The following RUNX3 variants were observed in gnomAD, a reference collection of about 807,000 sequenced individuals.
RUNX3 encodes RUNX family transcription factor 3.
Under a neutral mutation model 27.7 loss-of-function variants are expected in RUNX3, and 10 were observed. The ratio of observed to expected loss-of-function variants is 0.36; its 90% CI spans 0.22 to 0.61. RUNX3 has a LOEUF of 0.61. Among genes scored for constraint, RUNX3 ranks in the 20% least tolerant of loss-of-function variants. The probability of loss-of-function intolerance (pLI) is 0.72; values close to 1 mark genes in which losing one functional copy is unlikely to be tolerated. For missense variants in RUNX3, 469 were observed against 629.5 expected (o/e 0.75, Z 2.73); for synonymous variants, 270 against 269.2 (o/e 1.00, Z -0.03).
rs1404525327 is a variant in RUNX3 at position 24,927,803 on chromosome 1, G to A, written c.283-73C>T. 4.3e-6 allele frequency: 6 copies of A among 1,385,358 alleles called. No homozygotes were observed. The African/African-American group carries it at 7.1e-5, about 16-fold the overall frequency. 85.8% of individuals were successfully genotyped at this position (1,385,358 alleles called of 1,614,324 possible). The stretch of plus-strand genomic sequence containing the variant: ...GAGGGTGACCAGGGAAAGGAGGGGA[G>A]GGGCTGGGCTGGGCAGCTCCCCCAG... On this transcript the variant is annotated intron_variant, in intron 1 of 4. Coordinates refer to ENST00000308873, the MANE Select transcript of RUNX3 (RefSeq NM_004350.3). The surrounding 1 kb of genome is among the most constrained non-coding windows in gnomAD (Gnocchi z 5.0).
chr1:24,915,860 C>T (rs538563903), intron 3 of RUNX3, among the ~76,000 whole-genome samples: 42 of 152,264 alleles, frequency 2.8e-4, no homozygotes, highest in African/African-American at 9.4e-4. Context: ...CAGGTGTCAC[C>T]GCCCCTCCTG....
At chr1:24,910,579 T>A (rs1053021149) in intron 3 of RUNX3, among the ~76,000 whole-genome samples, 2 of 152,144 alleles carry the variant, frequency 1.3e-5, no homozygotes, top group African/African-American at 4.8e-5. Context: ...ACGCAATGGA[T>A]TCTGGTACTT....
rs60170559 is a variant in RUNX3, at chr1:24,941,028, T to C, written c.59-11176A>G. On this transcript the variant is annotated intron_variant, in intron 2 of 6. Transcript: ENST00000338888. ...CCCCTGCCCCAAACCTCTGAAAAAA[T>C]GGACAATATGCTCAAATGTGCATAA... Among the ~76,000 whole-genome samples the C allele has an allele frequency of 2.6e-3, 402 of 152,272 alleles. 14 individuals are homozygous for C. The East Asian group carries it at 0.064, about 24-fold the overall frequency.
chr1:24,944,618 A>G (rs1641559387), intron 2 of RUNX3, among the ~76,000 whole-genome samples: 1 of 152,166 alleles, frequency 6.6e-6, no homozygotes, highest in South Asian at 2.1e-4. Flanking sequence ...TCACACATGG[A>G]ATAGGGAGGC....
upstream of RUNX3, among the ~76,000 whole-genome samples, chr1:24,931,351 C>A (rs1641223809): frequency 6.6e-6 from 1 of 152,232 alleles, no homozygotes; most frequent in Non-Finnish European, 1.5e-5. Context: ...GCTCCCACTC[C>A]CAGCCGCGTG....
At chr1:24,912,889 G>A (rs942208311) in intron 3 of RUNX3, among the ~76,000 whole-genome samples, 4 of 152,106 alleles carry the variant, frequency 2.6e-5, no homozygotes, top group South Asian at 2.1e-4. Flanking sequence ...TTAGGGCCCC[G>A]TCCAGCCCCA....
intron 2 of RUNX3, chr1:24,964,384 G>A: frequency 1.3e-6 from 1 of 743,248 alleles, no homozygotes; most frequent in Non-Finnish European, 2.4e-6. Context: ...CCCACCTCAG[G>A]CTTTCAGAGG....
At chr1:24,952,617 G>A (rs1641794513) in intron 2 of RUNX3, among the ~76,000 whole-genome samples, 2 of 152,220 alleles carry the variant, frequency 1.3e-5, no homozygotes, top group Non-Finnish European at 2.9e-5. Context: ...CTCTCGCAGG[G>A]ATGAGTGGCT....
intron 2 of RUNX3, among the ~76,000 whole-genome samples, chr1:24,955,938 C>T (rs548531869): frequency 2.6e-4 from 40 of 152,348 alleles, no homozygotes; most frequent in Middle Eastern, 3.4e-3. Context: ...GCAACCAATT[C>T]GCCCACCTCA....
chr1:24,906,157 C>T (rs1176643493), intron 4 of RUNX3, among the ~76,000 whole-genome samples: 2 of 152,170 alleles, frequency 1.3e-5, no homozygotes, highest in East Asian at 1.9e-4. Flanking sequence ...AGCGTGGCAC[C>T]GGAAAAGGGG....
At position 24,902,554 on chromosome 1, in the gene RUNX3, C is replaced by T. The variant is rs138103530; in HGVS notation, c.816G>A (p.Gly272=). The change falls in exon 5 of 5, where the codon GGG becomes GGA. Residue 272 remains glycine, a synonymous_variant. Transcript: ENST00000308873. The surrounding 1 kb of genome is among the most constrained non-coding windows in gnomAD (Gnocchi z 9.2). ...TGTAGGGGAAGGCAGCTGACATGGCCCCGGGATAATGCATCCTGGGGTCTG... is the reference window on the plus strand; with the variant it reads ...TGTAGGGGAAGGCAGCTGACATGGCTCCGGGATAATGCATCCTGGGGTCTG... The part of the protein sequence containing the change: ...RFPDPRMHYP[G]AMSAAFPYSA... The T allele has an allele frequency of 5.7e-6, 9 of 1,587,636 alleles. No individual in the cohort carries two copies. Among genetic ancestry groups the T allele is most frequent in the Non-Finnish European group, 6.9e-6 (8 of 1,161,194 alleles).
At chr1:24,924,937 T>C (rs1028704235) in intron 2 of RUNX3, among the ~76,000 whole-genome samples, 1 of 152,172 alleles carries the variant, frequency 6.6e-6, no homozygotes, top group African/African-American at 2.4e-5. Context: ...AGCCCTGTTG[T>C]TAAGAGCTCT....
chr1:24,949,715 G>A (rs570341386), intron 2 of RUNX3, among the ~76,000 whole-genome samples: 3 of 152,358 alleles, frequency 2.0e-5, no homozygotes, highest in Non-Finnish European at 4.4e-5. Flanking sequence ...TATCATCCAC[G>A]CGGCCTGGGC....
At chr1:24,912,007 C>T (rs1022378608) in intron 3 of RUNX3, among the ~76,000 whole-genome samples, 1 of 152,202 alleles carries the variant, frequency 6.6e-6, no homozygotes, top group Non-Finnish European at 1.5e-5. Context: ...GGCGGCCCCA[C>T]GTGGCCAGGG....
chr1:24,934,261 G>A (rs988801958), upstream of RUNX3, among the ~76,000 whole-genome samples: 1 of 152,212 alleles, frequency 6.6e-6, no homozygotes. Flanking sequence ...CCTGTAGGCC[G>A]GGGGTCCAGC....
intron 2 of RUNX3, among the ~76,000 whole-genome samples, chr1:24,926,678 G>C (rs1200927641): frequency 6.6e-6 from 1 of 152,200 alleles, no homozygotes; most frequent in Non-Finnish European, 1.5e-5. Context: ...TTCTGCTTCA[G>C]CCACTTCAGC....
upstream of RUNX3, among the ~76,000 whole-genome samples, chr1:24,932,392 C>T (rs866045733): frequency 1.3e-4 from 20 of 152,016 alleles, no homozygotes; most frequent in African/African-American, 4.6e-4. Context: ...GCCTGGCAGG[C>T]ACAGTGGCGG....
upstream of RUNX3, among the ~76,000 whole-genome samples, chr1:24,933,658 G>C (rs1439457167): frequency 6.6e-6 from 1 of 152,144 alleles, no homozygotes; most frequent in Non-Finnish European, 1.5e-5. Context: ...ATCACAGGGC[G>C]GCCAGAGCTG....
rs1641179501 is a variant in RUNX3 at position 24,929,788 on chromosome 1, G to A, written c.81C>T (p.Gly27=). 7.1e-7 allele frequency: 1 copy of A among 1,404,834 alleles called. No individual in the cohort carries two copies. Among genetic ancestry groups the A allele is most frequent in the South Asian group, 1.5e-5 (1 of 64,698 alleles). 87.0% of individuals were successfully genotyped at this position (1,404,834 alleles called of 1,614,324 possible). A position where few individuals can be genotyped will look rare whatever the true frequency, so the allele number is the denominator to read the frequency against. Residue 27 remains glycine (G), a synonymous_variant, in exon 1 of 5, where the codon GGC becomes GGT. Transcript: ENST00000308873. ...GCGCGCCGCTGTTCTCGCCCATCTTGCCGCCGCCGCCGCCGCAGGGGAAGG... is the reference window on the plus strand; with the variant it reads ...GCGCGCCGCTGTTCTCGCCCATCTTACCGCCGCCGCCGCCGCAGGGGAAGG... The part of the protein sequence containing the change: ...SPAFPCGGGG[G]KMGENSGALS...
Sources: gnomAD v4.1 joint callset for allele counts (sites outside exome capture counted in the v4.1 genomes callset) on GRCh38, gnomAD v4.1.1 for gene constraint, Gnocchi (gnomAD v3.1) non-coding constraint, MANE v1.5 for transcripts, NCBI Gene and HGNC (gene_info 2026-07-23, HGNC 2026-07-21) for gene names.